CDYL2: variants seen among roughly 807,000 people sequenced by gnomAD.
The protein encoded by CDYL2 is chromodomain Y like 2.
A neutral mutation model predicts 49.4 loss-of-function variants in CDYL2; 23 were observed. The ratio of observed to expected loss-of-function variants is 0.47; its 90% confidence interval spans 0.34 to 0.66. The LOEUF is 0.66. Among genes scored for constraint, CDYL2 ranks in the 30% least tolerant of loss-of-function variants. The pLI, the probability that CDYL2 is intolerant of heterozygous loss-of-function variation, is 0.01. For missense variants in CDYL2, 678 were observed against 656.4 expected (o/e 1.03, Z -0.36); for synonymous variants, 360 against 268.8 (o/e 1.34, Z -3.32).
chr16:80,664,028 TCTATTATGCCAGGATC>T (rs11275955), intron 2 of CDYL2, among the ~76,000 whole-genome samples: 78,734 of 152,028 alleles, frequency 0.52, 23,178 homozygotes, highest in African/African-American at 0.8. Flanking sequence ...CTCCAAAAGC[TCTATTATGCCAGGATC>T]CTGGTATGTG....
intron 2 of CDYL2, among the ~76,000 whole-genome samples, chr16:80,658,353 G>T (rs193189461): frequency 5.3e-5 from 8 of 152,164 alleles, no homozygotes; most frequent in Non-Finnish European, 1.2e-4. Flanking sequence ...TCTTTCAAAG[G>T]AATAACATAA....
At chr16:80,723,423 G>T (rs1242991852) in intron 1 of CDYL2, among the ~76,000 whole-genome samples, 1 of 152,164 alleles carries the variant, frequency 6.6e-6, no homozygotes, top group Non-Finnish European at 1.5e-5. Context: ...TGCAAGCTGG[G>T]ATGTTTCTAA....
At chr16:80,703,455 G>T (rs574386686) in intron 1 of CDYL2, among the ~76,000 whole-genome samples, 1 of 152,164 alleles carries the variant, frequency 6.6e-6, no homozygotes, top group African/African-American at 2.4e-5. Context: ...GATTGGACTA[G>T]AGCTACCAAC....
intron 2 of CDYL2, among the ~76,000 whole-genome samples, chr16:80,646,469 A>G (rs1229148012): frequency 3.3e-5 from 5 of 152,168 alleles, no homozygotes; most frequent in African/African-American, 1.2e-4. Context: ...TAAACTCTTC[A>G]ATCAAAAGAC....
At chr16:80,737,888 C>CT (rs561255328) in intron 1 of CDYL2, among the ~76,000 whole-genome samples, 19 of 152,216 alleles carry the variant, frequency 1.2e-4, no homozygotes, top group Admixed American at 1.1e-3. Context: ...TTGTTTTATA[C>CT]TTTAAGTTCT....
intron 1 of CDYL2, among the ~76,000 whole-genome samples, chr16:80,690,779 C>G (rs903904020): frequency 6.6e-6 from 1 of 152,200 alleles, no homozygotes; most frequent in African/African-American, 2.4e-5. Context: ...GCTGGCCTCT[C>G]CTAGAGCCCC....
At chr16:80,723,449 C>A (rs556675001) in intron 1 of CDYL2, among the ~76,000 whole-genome samples, 1 of 152,268 alleles carries the variant, frequency 6.6e-6, no homozygotes. Flanking sequence ...AACACTAATT[C>A]CGGCTTCTAA....
At chr16:80,770,191 T>A (rs1245930732) in intron 1 of CDYL2, among the ~76,000 whole-genome samples, 1 of 152,170 alleles carries the variant, frequency 6.6e-6, no homozygotes. Context: ...CCATGCAACA[T>A]GAGTTAATAA....
At position 80,601,800 on chromosome 16, in the gene CDYL2, T is replaced by TA. The variant is rs1407430597; in HGVS notation, c.*2587dup. ...AAATACAGACTTTCACCACCCCCGTTACACCCAGGACCTGTGACTTAACAG... is the reference window on the plus strand; with the variant it reads ...AAATACAGACTTTCACCACCCCCGTTAACACCCAGGACCTGTGACTTAACAG... On this transcript the variant is annotated 3_prime_UTR_variant, in exon 7 of 7. Coordinates refer to ENST00000570137, the MANE Select transcript of CDYL2 (RefSeq NM_152342.4). 1 of 152,188 alleles carries TA rather than the reference T, an allele frequency of 6.6e-6. No individual in the cohort carries two copies. Among genetic ancestry groups the TA allele is most frequent in the Admixed American group, 6.5e-5 (1 of 15,280 alleles). 9.4% of individuals were successfully genotyped at this position (152,188 alleles called of 1,614,324 possible). A position where few individuals can be genotyped will look rare whatever the true frequency, so the allele number is the denominator to read the frequency against.
At chr16:80,668,812 C>T (rs139067888) in intron 2 of CDYL2, among the ~76,000 whole-genome samples, 99 of 152,012 alleles carry the variant, frequency 6.5e-4, no homozygotes, top group African/African-American at 2.4e-3. Context: ...GGCAGGACAA[C>T]CACTTGAACC....
chr16:80,723,662 A>G (rs1374763150), intron 1 of CDYL2, among the ~76,000 whole-genome samples: 1 of 152,252 alleles, frequency 6.6e-6, no homozygotes, highest in Admixed American at 6.5e-5. Flanking sequence ...CAGCTGCTAC[A>G]GTAAATAAAG....
At chr16:80,642,398 C>T (rs549633885) in intron 2 of CDYL2, among the ~76,000 whole-genome samples, 8 of 152,152 alleles carry the variant, frequency 5.3e-5, no homozygotes, top group African/African-American at 1.4e-4. Context: ...GCCAAGATCT[C>T]GCCACTGCAG....
At chr16:80,659,473 T>A (rs962406536) in intron 2 of CDYL2, among the ~76,000 whole-genome samples, 2 of 152,174 alleles carry the variant, frequency 1.3e-5, no homozygotes, top group Non-Finnish European at 2.9e-5. Context: ...CTACATTGTG[T>A]TTACTTAAAA....
intron 5 of CDYL2, among the ~76,000 whole-genome samples, chr16:80,609,243 A>G (rs1316197511): frequency 2.0e-5 from 3 of 152,238 alleles, no homozygotes; most frequent in Non-Finnish European, 2.9e-5. Context: ...ACAGTGACTG[A>G]TAATTAGGGC....
chr16:80,723,716 T>C (rs964307919), intron 1 of CDYL2, among the ~76,000 whole-genome samples: 1 of 152,174 alleles, frequency 6.6e-6, no homozygotes, highest in Admixed American at 6.5e-5. Flanking sequence ...CATACTTCTA[T>C]AGCTACTTTC....
chr16:80,641,595 T>A (rs918999460), intron 2 of CDYL2, among the ~76,000 whole-genome samples: 20 of 151,732 alleles, frequency 1.3e-4, no homozygotes, highest in African/African-American at 3.4e-4. Flanking sequence ...ATGTCCTTCG[T>A]AGGGACATGC....
At chr16:80,785,519 T>C (rs1907405683) in intron 1 of CDYL2, among the ~76,000 whole-genome samples, 1 of 152,122 alleles carries the variant, frequency 6.6e-6, no homozygotes, top group Non-Finnish European at 1.5e-5. Flanking sequence ...ATCAGTATCA[T>C]GAAAATGGCC....
chr16:80,746,294 C>T (rs1447955856), intron 1 of CDYL2, among the ~76,000 whole-genome samples: 1 of 152,206 alleles, frequency 6.6e-6, no homozygotes, highest in Non-Finnish European at 1.5e-5. Context: ...TTATCCTATC[C>T]TGCTGACCCA....
At chr16:80,698,252 C>T (rs918985464) in intron 1 of CDYL2, among the ~76,000 whole-genome samples, 1 of 152,148 alleles carries the variant, frequency 6.6e-6, no homozygotes, top group Non-Finnish European at 1.5e-5. Context: ...CAAAAACAGA[C>T]AGGATTATGT....
Sources: gnomAD v4.1 joint callset for allele counts (sites outside exome capture counted in the v4.1 genomes callset) on GRCh38, gnomAD v4.1.1 for gene constraint, MANE v1.5 for transcripts, NCBI Gene and HGNC (gene_info 2026-07-23, HGNC 2026-07-21) for gene names.